Variants in TSHR observed in about 807,000 individuals in gnomAD.
The protein encoded by TSHR is thyroid stimulating hormone receptor.
TSHR carries 51 observed loss-of-function variants against 64.1 expected under a neutral mutation model. The observed-to-expected ratio is 0.80, with a 90% CI of 0.64 to 1.01. TSHR has a LOEUF of 1.01. Ranked by LOEUF, TSHR falls within the 50% of genes least tolerant of loss-of-function variation. The pLI is 0.00. For missense variants in TSHR, 877 were observed against 942.8 expected (o/e 0.93, Z 0.91); for synonymous variants, 361 against 361.9 (o/e 1.00, Z 0.03).
At chr14:80,978,357 A>G (rs1287873708) in intron 1 of TSHR, among the ~76,000 whole-genome samples, 3 of 152,162 alleles carry the variant, frequency 2.0e-5, no homozygotes, top group Non-Finnish European at 4.4e-5. Context: ...TTCTCAGACC[A>G]ATTCCAGTAC....
At chr14:81,140,452 T>C (rs534096021) in intron 9 of TSHR, among the ~76,000 whole-genome samples, 1 of 152,294 alleles carries the variant, frequency 6.6e-6, no homozygotes, top group South Asian at 2.1e-4. Context: ...ATAGCAGTTT[T>C]GAGAAGATTA....
intron 3 of TSHR, among the ~76,000 whole-genome samples, chr14:81,074,956 G>A (rs574352509): frequency 1.1e-4 from 17 of 152,252 alleles, no homozygotes; most frequent in African/African-American, 4.1e-4. Context: ...TTTAGATTTT[G>A]TTCTGTGATA....
At chr14:81,091,503 G>A (rs1409099528) in intron 5 of TSHR, among the ~76,000 whole-genome samples, 1 of 152,188 alleles carries the variant, frequency 6.6e-6, no homozygotes, top group East Asian at 1.9e-4. Flanking sequence ...ATTGAGTCAG[G>A]AGAAAAGATT....
chr14:80,973,602 C>T (rs1219672309), intron 1 of TSHR, among the ~76,000 whole-genome samples: 1 of 151,936 alleles, frequency 6.6e-6, no homozygotes, highest in Non-Finnish European at 1.5e-5. Context: ...TTCTAGAAAG[C>T]GGCGACTTAA....
chr14:81,096,532 C>T (rs8013535), intron 6 of TSHR, 107 bp from the exon 7 acceptor site: 1 of 1,144,644 alleles, frequency 8.7e-7, no homozygotes, highest in Non-Finnish European at 1.3e-6. Context: ...ACCTGAAAAA[C>T]CTTTATGTAC....
intron 1 of TSHR, among the ~76,000 whole-genome samples, chr14:81,038,132 A>G (rs1000192718): frequency 6.6e-6 from 1 of 152,030 alleles, no homozygotes; most frequent in Non-Finnish European, 1.5e-5. Context: ...CATATTAAGT[A>G]TTTTTCTGAT....
intron 1 of TSHR, among the ~76,000 whole-genome samples, chr14:80,973,265 C>A (rs2139705424): frequency 6.6e-6 from 1 of 151,838 alleles, no homozygotes; most frequent in East Asian, 1.9e-4. Context: ...ATTAGCCGGG[C>A]TAGGTGGCGG....
chr14:81,068,163 C>T (rs1036821949), intron 2 of TSHR, 91 bp from the exon 3 acceptor site: 25 of 1,174,032 alleles, frequency 2.1e-5, no homozygotes, highest in African/African-American at 7.6e-5. Context: ...ATCTGGGAAG[C>T]GCATAACAAA....
At chr14:81,024,850 A>G (rs776691528) in intron 1 of TSHR, among the ~76,000 whole-genome samples, 1 of 152,176 alleles carries the variant, frequency 6.6e-6, no homozygotes, top group Non-Finnish European at 1.5e-5. Flanking sequence ...GGCACTTTGT[A>G]TAGATCCCAT....
chr14:81,012,164 C>T (rs1262897148), intron 1 of TSHR: 2 of 147,788 alleles, frequency 1.4e-5, no homozygotes, highest in African/African-American at 5.0e-5. Flanking sequence ...TTGTTCAATT[C>T]CCACCTATGA....
In TSHR at chr14:81,143,111, T is replaced by C. The variant is rs1891768504; in HGVS notation, c.1053T>C (p.His351=). The C allele has an allele frequency of 6.2e-7, 1 of 1,614,204 alleles. No individual in the cohort carries two copies. The highest frequency in any genetic ancestry group is 1.1e-5 in the South Asian group (1 of 91,080). Reference sequence around the variant, plus strand: ...TCCAGGATACTCATAACAACGCTCATTATTACGTCTTCTTTGAAGAACAAG... The same window carrying C: ...TCCAGGATACTCATAACAACGCTCACTATTACGTCTTCTTTGAAGAACAAG... ...SKFQDTHNNA[H]YYVFFEEQED... The change falls in exon 10 of 10, where the codon CAT becomes CAC. Residue 351 remains histidine, a synonymous_variant. Coordinates refer to ENST00000298171, the MANE Select transcript of TSHR (RefSeq NM_000369.5).
chr14:80,977,310 G>T (rs550259296), intron 1 of TSHR, among the ~76,000 whole-genome samples: 9 of 152,302 alleles, frequency 5.9e-5, no homozygotes, highest in African/African-American at 2.2e-4. Flanking sequence ...GGCTCAATGT[G>T]TCATAAAGTG....
intron 7 of TSHR, among the ~76,000 whole-genome samples, chr14:81,105,488 A>G (rs1889834367): frequency 6.6e-6 from 1 of 152,176 alleles, no homozygotes. Context: ...CTGGTTTTAG[A>G]GAACACAGTC....
intron 1 of TSHR, chr14:80,994,347 A>G (rs1888895520): frequency 6.6e-6 from 1 of 152,024 alleles, no homozygotes; most frequent in South Asian, 2.1e-4. Flanking sequence ...TACCTTTGAC[A>G]TTCTTCACAG....
chr14:81,022,818 C>T (rs951730491), intron 1 of TSHR, among the ~76,000 whole-genome samples: 2 of 152,016 alleles, frequency 1.3e-5, no homozygotes. Flanking sequence ...GAGACTTCAT[C>T]TCAAAAGAAC....
intron 3 of TSHR, among the ~76,000 whole-genome samples, chr14:81,074,881 T>A (rs1887382871): frequency 6.6e-6 from 1 of 152,242 alleles, no homozygotes. Context: ...TAATTATCCC[T>A]GCCAGTACCT....
At chr14:81,105,934 G>A (rs1889862986) in intron 7 of TSHR, among the ~76,000 whole-genome samples, 1 of 151,954 alleles carries the variant, frequency 6.6e-6, no homozygotes, top group Non-Finnish European at 1.5e-5. Context: ...AAATCATGCT[G>A]TTCAATATCT....
chr14:81,082,968 C>G (rs979287420), intron 3 of TSHR, among the ~76,000 whole-genome samples: 1 of 151,974 alleles, frequency 6.6e-6, no homozygotes, highest in South Asian at 2.1e-4. Flanking sequence ...CGATCCAATG[C>G]CCGTTGAATA....
At chr14:81,064,398 G>A (rs1886456687) in intron 2 of TSHR, among the ~76,000 whole-genome samples, 1 of 152,070 alleles carries the variant, frequency 6.6e-6, no homozygotes, top group Non-Finnish European at 1.5e-5. Context: ...AGGGTCAGGG[G>A]GTATGTTAGG....
Sources: gnomAD v4.1 joint callset for allele counts (sites outside exome capture counted in the v4.1 genomes callset) on GRCh38, gnomAD v4.1.1 for gene constraint, MANE v1.5 for transcripts, NCBI Gene and HGNC (gene_info 2026-07-23, HGNC 2026-07-21) for gene names.